C21orf58: variants seen among roughly 807,000 people sequenced by gnomAD.
C21orf58 encodes uncharacterized protein C21orf58.
Under a neutral mutation model 35.8 loss-of-function variants are expected in C21orf58, and 34 were observed. That is an observed-to-expected ratio of 0.95 (90% confidence interval 0.72 to 1.26). The LOEUF (loss-of-function observed/expected upper bound fraction) is 1.26. Ranked by LOEUF, C21orf58 falls within the 50% of genes most tolerant of loss-of-function variation. The pLI is 0.00. For missense variants in C21orf58, 440 were observed against 414.3 expected, an observed-to-expected ratio of 1.06 and a Z score of -0.54; for synonymous variants, 191 against 175.8, an observed-to-expected ratio of 1.09 and a Z score of -0.68.
At chr21:46,308,648 G>A (rs896233850) in intron 6 of C21orf58, among the ~76,000 whole-genome samples, 2 of 151,908 alleles carry the variant, frequency 1.3e-5, no homozygotes, top group Non-Finnish European at 2.9e-5. Context: ...TCCTCAATGT[G>A]GCAGTATTGA....
At chr21:46,318,739 T>G in intron 1 of C21orf58, 1 of 999,306 alleles carries the variant, frequency 1.0e-6, no homozygotes, top group East Asian at 1.1e-4. Flanking sequence ...GCAGAGGGGC[T>G]GGGCTTTAGC....
intron 6 of C21orf58, among the ~76,000 whole-genome samples, chr21:46,303,383 T>C (rs2082214109): frequency 6.6e-6 from 1 of 150,838 alleles, no homozygotes; most frequent in African/African-American, 2.4e-5. Context: ...ACAGACACCA[T>C]GAAGAGAGTG....
At chr21:46,304,020 GTTTTT>G (rs34586952) in intron 6 of C21orf58, among the ~76,000 whole-genome samples, 55 of 44,606 alleles carry the variant, frequency 1.2e-3, no homozygotes, top group Non-Finnish European at 1.2e-3. Flanking sequence ...CAAAGTGCTG[GTTTTT>G]TTTTTTTTTT....
chr21:46,309,823 C>T (rs1355154546), intron 6 of C21orf58, among the ~76,000 whole-genome samples: 4 of 151,592 alleles, frequency 2.6e-5, no homozygotes, highest in African/African-American at 7.3e-5. Flanking sequence ...GGTGAAACCC[C>T]GTCTCTATTA....
Position 46,314,828 on chromosome 21 carries a change from C to T in C21orf58, c.497G>A (p.Ser166Asn), listed in dbSNP as rs966871511. The T allele has an allele frequency of 1.3e-6, 2 of 1,549,768 alleles. No individual in the cohort carries two copies. Among genetic ancestry groups the T allele is most frequent in the Non-Finnish European group, 1.7e-6 (2 of 1,146,486 alleles). The change falls in exon 5 of 8, where the codon AGC becomes AAC. Residue 166 changes from serine (S) to asparagine (N), a missense_variant. Physicochemically the swap from Ser to Asn is conservative, Grantham distance 46. Coordinates refer to ENST00000291691, the MANE Select transcript of C21orf58 (RefSeq NM_058180.5). ...LSRAQAWSGPSRGALGSALPP... is the reference protein window; with the variant it reads ...LSRAQAWSGPNRGALGSALPP... ...CAGGGCTGACCCGAGGGCTCCTCTGCTTGGCCCGCTCCAGGCCTGGGCCCG... is the reference window on the plus strand; with the variant it reads ...CAGGGCTGACCCGAGGGCTCCTCTGTTTGGCCCGCTCCAGGCCTGGGCCCG...
chr21:46,311,572 G>T lies in C21orf58; in HGVS notation c.610-5C>A, dbSNP rs1285513163. The stretch of plus-strand genomic sequence containing the variant: ...GGTGGCAGGAGGCTGGGGGACCTAG[G>T]AACAGCCAGGTGATTAGCTATCTGC... On this transcript the variant is annotated splice_region_variant and splice_polypyrimidine_tract_variant and intron_variant, in intron 5 of 7. Transcript: ENST00000291691. The T allele has an allele frequency of 3.8e-6, 6 of 1,580,052 alleles. No individual in the cohort carries two copies. In the East Asian group the frequency reaches 1.3e-4, roughly 35 times the overall value.
At chr21:46,308,217 C>T (rs2082510817) in intron 6 of C21orf58, among the ~76,000 whole-genome samples, 1 of 152,108 alleles carries the variant, frequency 6.6e-6, no homozygotes, top group South Asian at 2.1e-4. Flanking sequence ...AATCCCAGCA[C>T]TTTGGGAGGC....
Position 46,302,112 on chromosome 21 carries a change from G to A in C21orf58, c.856C>T (p.Pro286Ser). 6.6e-7 allele frequency: 1 copy of A among 1,525,644 alleles called. No homozygotes were observed. The highest frequency in any genetic ancestry group is 8.8e-7 in the Non-Finnish European group (1 of 1,136,352). The allele number at this position is 1,525,644 out of a possible 1,614,324, so 94.5% of individuals were successfully genotyped here. A position where few individuals can be genotyped will look rare whatever the true frequency, so the allele number is the denominator to read the frequency against. Residue 286 changes from proline to serine, a missense_variant, in exon 8 of 8, where the codon CCA becomes TCA. Transcript: ENST00000291691. ...VPPRVPRAAR[P>S]RLPAVHHHHH... Reference sequence around the variant, plus strand: ...TGGTGGTGCACGGCAGGCAGCCTTGGCCTGGCAGCTCGTGGGACCCTCGGG... The same window carrying A: ...TGGTGGTGCACGGCAGGCAGCCTTGACCTGGCAGCTCGTGGGACCCTCGGG...
Position 46,301,956 on chromosome 21 carries a change from T to C in C21orf58, c.*43A>G. 1 of 1,470,272 alleles carries C rather than the reference T, an allele frequency of 6.8e-7. No individual in the cohort carries two copies. 91.1% of individuals were successfully genotyped at this position (1,470,272 alleles called of 1,614,324 possible). A position where few individuals can be genotyped will look rare whatever the true frequency, so the allele number is the denominator to read the frequency against. On this transcript the variant is annotated 3_prime_UTR_variant, in exon 8 of 8. Transcript: ENST00000291691. ...CACAGCCCACAGCCCTGAGGAAGCC[T>C]GGGGGTGGAGGGTGCCCCGGCCAGG...
intron 1 of C21orf58, among the ~76,000 whole-genome samples, chr21:46,319,616 G>T (rs913088915): frequency 1.3e-5 from 2 of 152,132 alleles, no homozygotes; most frequent in African/African-American, 4.8e-5. Context: ...TAATAAAAAA[G>T]GGCCAGGTGC....
chr21:46,302,737 C>T (rs537758446), intron 6 of C21orf58, among the ~76,000 whole-genome samples, 161 bp from the exon 7 acceptor site: 23 of 149,696 alleles, frequency 1.5e-4, no homozygotes, highest in African/African-American at 4.9e-4. Flanking sequence ...GTCCCCGGGG[C>T]GCGCCCTGAG....
Position 46,311,527 on chromosome 21 carries a change from T to C in C21orf58, c.650A>G (p.Gln217Arg), listed in dbSNP as rs1399856205. The change falls in exon 6 of 8, where the codon CAG (glutamine) becomes CGG (arginine). Residue 217 changes from glutamine to arginine, a missense_variant. Transcript: ENST00000291691. ...AGGAATCTGTGCTATGAGTGGCTGC[T>C]GAGGGAGCTGCTGAATGATGGTGGC... ...PPATIIQQLP[Q>R]QPLIAQIPPP... 6.2e-7 allele frequency: 1 copy of C among 1,612,308 alleles called. No individual in the cohort carries two copies. The highest frequency in any genetic ancestry group is 8.5e-7 in the Non-Finnish European group (1 of 1,179,348).
Position 46,322,792 on chromosome 21 carries a change from T to C in C21orf58, c.-54A>G, listed in dbSNP as rs2083220413. On this transcript the variant is annotated 5_prime_UTR_variant, in exon 1 of 8. Transcript: ENST00000291691. ...ACTGTCTCAAAAAAAGAAAAAAAAT[T>C]CTGAGCGAGATTCCAGGGCTTCCTG... 2 of 1,254,198 alleles carry C rather than the reference T, an allele frequency of 1.6e-6. No homozygotes were observed. Among genetic ancestry groups the C allele is most frequent in the Admixed American group, 6.6e-5 (2 of 30,374 alleles). 77.7% of individuals were successfully genotyped at this position (1,254,198 alleles called of 1,614,324 possible). A position where few individuals can be genotyped will look rare whatever the true frequency, so the allele number is the denominator to read the frequency against.
chr21:46,313,989 T>C (rs1210290136), intron 5 of C21orf58, among the ~76,000 whole-genome samples: 1 of 152,176 alleles, frequency 6.6e-6, no homozygotes, highest in Non-Finnish European at 1.5e-5. Context: ...CATTTTTTGC[T>C]TCAGAAAGTC....
intron 6 of C21orf58, among the ~76,000 whole-genome samples, 196 bp from the exon 7 acceptor site, chr21:46,302,772 C>G (rs2082175071): frequency 9.2e-6 from 1 of 108,290 alleles, no homozygotes; most frequent in African/African-American, 3.6e-5. Context: ...GTGCGGGTCC[C>G]CGGGGCGCGC....
At chr21:46,304,918 G>A (rs1176552930) in intron 6 of C21orf58, among the ~76,000 whole-genome samples, 1 of 152,210 alleles carries the variant, frequency 6.6e-6, no homozygotes, top group East Asian at 1.9e-4. Flanking sequence ...GGTGATCCTT[G>A]AGGACATCAC....
intron 2 of C21orf58, 64 bp downstream of exon 2, chr21:46,317,948 G>T: frequency 6.4e-7 from 1 of 1,569,546 alleles, no homozygotes. Context: ...CTGTCTCGAA[G>T]AGTCCCTCCA....
chr21:46,314,914 G>A lies in C21orf58; in HGVS notation c.445-34C>T, dbSNP rs1368206532. Reference sequence around the variant, plus strand: ...CCGATGCAGAGCTGCTGCACACGGGGACGGGGAGCCCCAACGCCACAGAGG... The same window carrying A: ...CCGATGCAGAGCTGCTGCACACGGGAACGGGGAGCCCCAACGCCACAGAGG... On this transcript the variant is annotated intron_variant, in intron 4 of 7. Coordinates refer to ENST00000291691, the MANE Select transcript of C21orf58 (RefSeq NM_058180.5). 1.9e-6 allele frequency: 3 copies of A among 1,550,368 alleles called. No homozygotes were observed. The South Asian group carries it at 3.6e-5, about 18-fold the overall frequency.
chr21:46,301,876 C>T lies in C21orf58; in HGVS notation c.*123G>A, dbSNP rs1044254496. The T allele has an allele frequency of 2.0e-5, 27 of 1,328,740 alleles. No homozygotes were observed. Among genetic ancestry groups the T allele is most frequent in the Admixed American group, 1.8e-4 (5 of 27,196 alleles). The allele number at this position is 1,328,740 out of a possible 1,614,324, so 82.3% of individuals were successfully genotyped here. A position where few individuals can be genotyped will look rare whatever the true frequency, so the allele number is the denominator to read the frequency against. On this transcript the variant is annotated 3_prime_UTR_variant, in exon 8 of 8. Transcript: ENST00000291691. ...AGGAGGAGCCTGCAGTCCACACTCG[C>T]GTAGCCACTCCGGGTGGTGGCAGGG... is the stretch of plus-strand genomic sequence containing the variant.
Sources: gnomAD v4.1 joint callset for allele counts (sites outside exome capture counted in the v4.1 genomes callset) on GRCh38, gnomAD v4.1.1 for gene constraint, MANE v1.5 for transcripts, NCBI Gene and HGNC (gene_info 2026-07-23, HGNC 2026-07-21) for gene names.